STIM1: variants seen among roughly 807,000 people sequenced by gnomAD.
STIM1 encodes the protein stromal interaction molecule 1.
Under a neutral mutation model 74.7 loss-of-function variants are expected in STIM1, and 25 were observed. The observed-to-expected ratio is 0.33, with a 90% confidence interval of 0.24 to 0.47. The LOEUF (loss-of-function observed/expected upper bound fraction) is 0.47, where lower values mean the gene tolerates loss of function less well. Among genes scored for constraint, STIM1 ranks in the 20% least tolerant of loss-of-function variants. The pLI, the probability that STIM1 is intolerant of heterozygous loss-of-function variation, is 1.00. For missense variants in STIM1, 728 were observed against 920.8 expected, an observed-to-expected ratio of 0.79 and a Z score of 2.71; for synonymous variants, 328 against 348.8, an observed-to-expected ratio of 0.94 and a Z score of 0.66.
intron 2 of STIM1, chr11:4,019,204 A>G (rs947984229): frequency 6.6e-6 from 1 of 152,200 alleles, no homozygotes. Flanking sequence ...AAATGAAGAA[A>G]ATGAAGTCAG....
chr11:4,081,899 G>C (rs2094467429), intron 7 of STIM1, among the ~76,000 whole-genome samples: 1 of 152,228 alleles, frequency 6.6e-6, no homozygotes. Flanking sequence ...GCTGGAACTT[G>C]CTGCATGACC....
intron 1 of STIM1, among the ~76,000 whole-genome samples, chr11:3,862,456 G>A (rs2090653299): frequency 6.6e-6 from 1 of 152,156 alleles, no homozygotes; most frequent in Non-Finnish European, 1.5e-5. Flanking sequence ...CATTCTACAG[G>A]TGATAGAGGA....
rs2094527957 is a variant in STIM1, at chr11:4,091,979, C to G, written c.*181C>G. ...TGGGTCCTTCATTATTATTTATTAA[C>G]TGACCACCATGGCCTGCCTGCCCTG... On this transcript the variant is annotated 3_prime_UTR_variant, in exon 13 of 13. Transcript: ENST00000526596. The G allele has an allele frequency of 2.4e-6, 2 of 846,142 alleles. No homozygotes were observed. Among genetic ancestry groups the G allele is most frequent in the Non-Finnish European group, 3.7e-6 (2 of 541,760 alleles). The allele number at this position is 846,142 out of a possible 1,614,324, so 52.4% of individuals were successfully genotyped here.
chr11:3,868,485 A>G (rs977983691), intron 1 of STIM1, among the ~76,000 whole-genome samples: 1 of 152,204 alleles, frequency 6.6e-6, no homozygotes, highest in African/African-American at 2.4e-5. Flanking sequence ...ATTTTTGTTT[A>G]ATAACTTGGT....
chr11:3,936,066 C>G (rs994071812), intron 1 of STIM1, among the ~76,000 whole-genome samples: 3 of 152,132 alleles, frequency 2.0e-5, no homozygotes, highest in African/African-American at 7.2e-5. Flanking sequence ...CGAGTTCTGA[C>G]AAATGTAGTA....
In STIM1 at chr11:4,030,658, G is replaced by C. The variant is rs563426213; in HGVS notation, c.385+6671G>C. On this transcript the variant is annotated intron_variant, in intron 3 of 12. Transcript: ENST00000526596. ...TTTTTCTTTCCCTTACATTCTTTCA[G>C]ATAATTTTTGTATACTGATAATAAA... Among the ~76,000 whole-genome samples, 3 of 152,242 alleles carry C rather than the reference G, an allele frequency of 2.0e-5. No homozygotes were observed. In the South Asian group the frequency reaches 6.2e-4, roughly 32 times the overall value.
chr11:4,003,260 C>CCGGGCAGAGACA (rs2093738886), intron 2 of STIM1, among the ~76,000 whole-genome samples: 1 of 144,738 alleles, frequency 6.9e-6, no homozygotes, highest in Non-Finnish European at 1.5e-5. Context: ...CATCCTGATA[C>CCGGGCAGAGACA]CAAAGCCGGG....
intron 1 of STIM1, among the ~76,000 whole-genome samples, chr11:3,921,616 C>T (rs948487108): frequency 7.2e-5 from 11 of 152,244 alleles, no homozygotes; most frequent in South Asian, 6.2e-4. Flanking sequence ...AAAATATGTC[C>T]ACAAATTCTT....
chr11:3,884,122 G>A (rs2091619141), intron 1 of STIM1, among the ~76,000 whole-genome samples: 1 of 152,104 alleles, frequency 6.6e-6, no homozygotes, highest in Non-Finnish European at 1.5e-5. Flanking sequence ...TCATTGGATG[G>A]CCCTTAAAAT....
chr11:3,903,975 G>C, intron 1 of STIM1, among the ~76,000 whole-genome samples: 1 of 152,132 alleles, frequency 6.6e-6, no homozygotes, highest in East Asian at 1.9e-4. Flanking sequence ...GAGGCGGGTA[G>C]ATCACGAGGT....
At chr11:3,917,562 G>A (rs138130716) in intron 1 of STIM1, among the ~76,000 whole-genome samples, 5,181 of 151,586 alleles carry the variant, frequency 0.034, 297 homozygotes, top group African/African-American at 0.12. Flanking sequence ...AGCTTCTCAA[G>A]TAGCTGGGAC....
chr11:4,069,921 G>A lies in STIM1; in HGVS notation c.614-105G>A, dbSNP rs1307045840. ...AAACTAATTCCTTCTCAGTGGGAGA[G>A]TGTGTCTGTTATGGAAGGCTTCATA... On this transcript the variant is annotated intron_variant, in intron 5 of 12. Coordinates refer to ENST00000526596, the MANE Select transcript of STIM1 (RefSeq NM_001382567.1). 3 of 1,223,704 alleles carry A rather than the reference G, an allele frequency of 2.5e-6. No individual in the cohort carries two copies. In the Admixed American group the frequency reaches 5.1e-5, roughly 21 times the overall value. 75.8% of individuals were successfully genotyped at this position (1,223,704 alleles called of 1,614,324 possible).
At chr11:4,049,750 A>T (rs1377125715) in intron 3 of STIM1, 3 of 148,456 alleles carry the variant, frequency 2.0e-5, no homozygotes, top group Non-Finnish European at 4.5e-5. Flanking sequence ...ACACACACAC[A>T]CACACACACA....
intron 2 of STIM1, among the ~76,000 whole-genome samples, chr11:3,979,014 C>T (rs953954578): frequency 6.6e-6 from 1 of 152,102 alleles, no homozygotes; most frequent in Non-Finnish European, 1.5e-5. Context: ...GGGAGCTAAA[C>T]TCTGAGGGGA....
At position 4,086,435 on chromosome 11, in the gene STIM1, G is replaced by T. The variant is rs777941189; in HGVS notation, c.1568-42G>T. 27 of 1,608,664 alleles carry T rather than the reference G, an allele frequency of 1.7e-5. No individual in the cohort carries two copies. The South Asian group carries it at 2.3e-4, about 14-fold the overall frequency. ...GCACCTCCTTACCTGCCAGCCCAAA[G>T]TGGGCTGGCCCCTCCTGACACTTTC... On this transcript the variant is annotated intron_variant, in intron 11 of 12. Transcript: ENST00000526596.
intron 1 of STIM1, among the ~76,000 whole-genome samples, chr11:3,940,950 G>A (rs1343067893): frequency 6.6e-6 from 1 of 152,114 alleles, no homozygotes; most frequent in African/African-American, 2.4e-5. Flanking sequence ...CTAAGAGCTT[G>A]GACTCTAGAG....
At chr11:3,978,745 A>G (rs1172703984) in intron 2 of STIM1, among the ~76,000 whole-genome samples, 1 of 152,050 alleles carries the variant, frequency 6.6e-6, no homozygotes, top group African/African-American at 2.4e-5. Flanking sequence ...CCTGAGTGAC[A>G]GAGTAGAAAT....
chr11:4,081,669 T>C (rs1245892310), intron 7 of STIM1, among the ~76,000 whole-genome samples: 1 of 152,242 alleles, frequency 6.6e-6, no homozygotes, highest in Non-Finnish European at 1.5e-5. Flanking sequence ...TGGATTTGCA[T>C]GGGAGAAAGT....
chr11:4,092,294 G>A lies in STIM1; in HGVS notation c.*496G>A. ...CAGTGGTTCTGTTTGCTCCAGACTG[G>A]GGCTAGGGCCTAATCTTTGAAGTTT... On this transcript the variant is annotated 3_prime_UTR_variant, in exon 13 of 13. Transcript: ENST00000526596. The A allele has an allele frequency of 4.9e-6, 1 of 204,086 alleles. No individual in the cohort carries two copies. The highest frequency in any genetic ancestry group is 1.0e-5 in the Non-Finnish European group (1 of 98,390). 12.6% of individuals were successfully genotyped at this position (204,086 alleles called of 1,614,324 possible). A position where few individuals can be genotyped will look rare whatever the true frequency, so the allele number is the denominator to read the frequency against.
Sources: gnomAD v4.1 joint callset for allele counts (sites outside exome capture counted in the v4.1 genomes callset) on GRCh38, gnomAD v4.1.1 for gene constraint, MANE v1.5 for transcripts, NCBI Gene and HGNC (gene_info 2026-07-23, HGNC 2026-07-21) for gene names.